Variants in ARNT2 observed in about 807,000 individuals in gnomAD.
The protein encoded by ARNT2 is aryl hydrocarbon receptor nuclear translocator 2.
In ARNT2, 36 loss-of-function variants were observed where a neutral mutation model predicts 91.7. The observed-to-expected ratio is 0.39, with a 90% CI of 0.30 to 0.52. The LOEUF is 0.52. Ranked by LOEUF, ARNT2 falls within the 20% of genes least tolerant of loss-of-function variation. ARNT2 has a pLI of 0.72. For synonymous variants in ARNT2, 365 were observed against 347.1 expected (o/e 1.05, Z -0.57); for missense variants, 775 against 939.3 (o/e 0.83, Z 2.29).
rs35729615 is a variant in ARNT2, at chr15:80,435,881, C to CA, written c.32-14991dup. 6.9e-4 allele frequency among the ~76,000 whole-genome samples: 104 copies of CA among 151,808 alleles called. 3 individuals are homozygous for CA. Among genetic ancestry groups the CA allele is most frequent in the Middle Eastern group, 6.8e-3 (2 of 294 alleles). ...TAAAAGGAATTTGAGGAGATATGGG[C>CA]AAAAAAAAGGAAAAAAATGTGTTGA... On this transcript the variant is annotated intron_variant, in intron 1 of 18. Coordinates refer to ENST00000303329, the MANE Select transcript of ARNT2 (RefSeq NM_014862.4).
chr15:80,463,761 G>T (rs1025436003), intron 3 of ARNT2, among the ~76,000 whole-genome samples: 34 of 152,086 alleles, frequency 2.2e-4, no homozygotes, highest in Non-Finnish European at 4.3e-4. Flanking sequence ...TGTATTTTTT[G>T]TAGAGACAGG....
intron 17 of ARNT2, among the ~76,000 whole-genome samples, chr15:80,584,823 G>A (rs865987220): frequency 2.0e-5 from 3 of 152,302 alleles, no homozygotes; most frequent in Admixed American, 6.5e-5. Flanking sequence ...GAGATAATGC[G>A]GTTGATCCCA....
At chr15:80,463,015 G>GCATAT (rs1266740014) in intron 3 of ARNT2, among the ~76,000 whole-genome samples, 1 of 152,160 alleles carries the variant, frequency 6.6e-6, no homozygotes, top group Non-Finnish European at 1.5e-5. Context: ...CCAAAACTCT[G>GCATAT]TTGATAAGGA....
chr15:80,429,664 C>T (rs988053260), intron 1 of ARNT2, among the ~76,000 whole-genome samples: 11 of 152,254 alleles, frequency 7.2e-5, no homozygotes, highest in South Asian at 4.2e-4. Context: ...GAGGCTCGGA[C>T]GTGTGATTGG....
chr15:80,498,959 C>G (rs1365080566), intron 5 of ARNT2, among the ~76,000 whole-genome samples: 2 of 152,158 alleles, frequency 1.3e-5, no homozygotes, highest in East Asian at 3.9e-4. Context: ...TCAGGCTGCC[C>G]TCTTCAAATC....
chr15:80,418,419 T>C lies in ARNT2; in HGVS notation c.31+13873T>C, dbSNP rs549856620. On this transcript the variant is annotated intron_variant, in intron 1 of 18. Transcript: ENST00000303329. ...ATCCGGCTGCTTCCTCCTGTCCCTG[T>C]TGTGCTGTGACAGTCTTCTCACCAC... Among the ~76,000 whole-genome samples the C allele has an allele frequency of 2.0e-5, 3 of 152,350 alleles. No individual in the cohort carries two copies. The South Asian group carries it at 6.2e-4, about 32-fold the overall frequency.
intron 11 of ARNT2, among the ~76,000 whole-genome samples, chr15:80,562,588 C>T (rs1033894476): frequency 2.0e-5 from 3 of 152,174 alleles, no homozygotes; most frequent in African/African-American, 7.2e-5. Flanking sequence ...CATTACGTCT[C>T]CTACCAGAGT....
chr15:80,573,128 G>T (rs554991363), intron 12 of ARNT2, among the ~76,000 whole-genome samples: 1 of 152,164 alleles, frequency 6.6e-6, no homozygotes, highest in Admixed American at 6.5e-5. Context: ...CCCCAACACC[G>T]TGTGACCATG....
intron 1 of ARNT2, among the ~76,000 whole-genome samples, chr15:80,410,842 C>G (rs970172395): frequency 4.0e-5 from 6 of 148,822 alleles, no homozygotes; most frequent in South Asian, 2.1e-4. Context: ...ATCTGTCTAC[C>G]ATCTCTCTCT....
At chr15:80,520,776 C>T (rs931498461) in intron 8 of ARNT2, among the ~76,000 whole-genome samples, 3 of 152,060 alleles carry the variant, frequency 2.0e-5, no homozygotes, top group Non-Finnish European at 2.9e-5. Flanking sequence ...TGTTTGGATA[C>T]GTGGGTGTTT....
intron 5 of ARNT2, among the ~76,000 whole-genome samples, chr15:80,494,255 T>C (rs545163104): frequency 6.6e-6 from 1 of 152,282 alleles, no homozygotes; most frequent in African/African-American, 2.4e-5. Context: ...CCTTTTACTG[T>C]TTTTCTTCAT....
intron 6 of ARNT2, among the ~76,000 whole-genome samples, chr15:80,511,409 A>C (rs1897339352): frequency 6.6e-6 from 1 of 152,184 alleles, no homozygotes; most frequent in Non-Finnish European, 1.5e-5. Flanking sequence ...GAACATCAGG[A>C]AAAATAACTA....
In ARNT2 at chr15:80,575,052, A is replaced by G. The variant is rs766507017; in HGVS notation, c.1455A>G (p.Ala485=). ...EAGKSVEKAD[A]IFSQERDPRF... ...GGAAGTCCGTGGAAAAGGCGGATGC[A>G]ATCTTCTCCCAGGAAAGAGATCCTC... The change falls in exon 14 of 19, where the codon GCA becomes GCG. Residue 485 remains alanine, a synonymous_variant. Coordinates refer to ENST00000303329, the MANE Select transcript of ARNT2 (RefSeq NM_014862.4). The G allele has an allele frequency of 6.2e-7, 1 of 1,614,216 alleles. No homozygotes were observed. Among genetic ancestry groups the G allele is most frequent in the Non-Finnish European group, 8.5e-7 (1 of 1,180,030 alleles).
chr15:80,510,366 C>T (rs907513645), intron 6 of ARNT2, among the ~76,000 whole-genome samples: 3 of 151,950 alleles, frequency 2.0e-5, no homozygotes, highest in Non-Finnish European at 2.9e-5. Context: ...AAACAAGCAA[C>T]GCCATAAAAA....
chr15:80,554,473 AC>A (rs1444321545), intron 10 of ARNT2: 1 of 152,212 alleles, frequency 6.6e-6, no homozygotes, highest in Non-Finnish European at 1.5e-5. Flanking sequence ...CTTTACTACA[AC>A]ACTTTTGAAG....
intron 1 of ARNT2, among the ~76,000 whole-genome samples, chr15:80,409,469 C>T (rs1366460537): frequency 6.6e-6 from 1 of 152,140 alleles, no homozygotes; most frequent in Admixed American, 6.5e-5. Flanking sequence ...TTTATTTATT[C>T]ATTCACCTAC....
intron 8 of ARNT2, among the ~76,000 whole-genome samples, chr15:80,545,981 A>G (rs368928502): frequency 1.3e-5 from 2 of 152,156 alleles, no homozygotes; most frequent in South Asian, 2.1e-4. Context: ...CTCATAAAGG[A>G]GGATTTCTTT....
At chr15:80,587,970 G>A (rs951450178) in intron 17 of ARNT2, among the ~76,000 whole-genome samples, 5 of 152,172 alleles carry the variant, frequency 3.3e-5, no homozygotes, top group African/African-American at 4.8e-5. Flanking sequence ...TACATAGACC[G>A]CGGTCAACCA....
intron 17 of ARNT2, among the ~76,000 whole-genome samples, chr15:80,587,643 A>C (rs1893198166): frequency 6.6e-6 from 1 of 152,232 alleles, no homozygotes; most frequent in South Asian, 2.1e-4. Flanking sequence ...AAGCTCCTCA[A>C]GATTCTGACC....
Sources: allele counts gnomAD v4.1 joint callset (sites outside exome capture counted in the v4.1 genomes callset), GRCh38; gene constraint gnomAD v4.1.1; transcripts MANE v1.5; gene names NCBI Gene and HGNC (gene_info 2026-07-23, HGNC 2026-07-21).